ASIC2: variants seen among roughly 807,000 people sequenced by gnomAD.
ASIC2 encodes acid sensing ion channel subunit 2, also known as acid-sensing ion channel 2.
ASIC2 carries 25 observed loss-of-function variants against 57.3 expected under a neutral mutation model. The observed-to-expected ratio is 0.44, with a 90% CI of 0.32 to 0.61. ASIC2 has a LOEUF of 0.61. Ranked by LOEUF, ASIC2 falls within the 20% of genes least tolerant of loss-of-function variation. The pLI, the probability that ASIC2 is intolerant of heterozygous loss-of-function variation, is 0.06. For missense variants in ASIC2, 641 were observed against 738.1 expected, an observed-to-expected ratio of 0.87 and a Z score of 1.52; for synonymous variants, 319 against 307.5, an observed-to-expected ratio of 1.04 and a Z score of -0.39.
rs554562262 is a variant in ASIC2, at chr17:33,579,268, A to C, written c.556-467201T>G. Among the ~76,000 whole-genome samples the C allele has an allele frequency of 2.2e-3, 313 of 142,910 alleles. 3 individuals carry two copies. Among genetic ancestry groups the C allele is most frequent in the Admixed American group, 2.8e-3 (40 of 14,406 alleles). 93.8% of individuals were successfully genotyped at this position (142,910 alleles called of 152,430 possible). A position where few individuals can be genotyped will look rare whatever the true frequency, so the allele number is the denominator to read the frequency against. On this transcript the variant is annotated intron_variant, in intron 1 of 9. Transcript: ENST00000359872. Reference sequence around the variant, plus strand: ...ACCATTGCACTCCAGCCTGGGTAGCACGAATGAAACTGTGTCTCAAAAAAA... The same window carrying C: ...ACCATTGCACTCCAGCCTGGGTAGCCCGAATGAAACTGTGTCTCAAAAAAA...
At chr17:33,274,096 T>C (rs1904613350) in intron 1 of ASIC2, among the ~76,000 whole-genome samples, 1 of 152,352 alleles carries the variant, frequency 6.6e-6, no homozygotes, top group East Asian at 1.9e-4. Context: ...TCTGTCTGTT[T>C]CCATTTCATA....
chr17:33,466,888 A>T (rs1026135579), intron 1 of ASIC2, among the ~76,000 whole-genome samples: 4 of 152,162 alleles, frequency 2.6e-5, no homozygotes, highest in Non-Finnish European at 4.4e-5. Flanking sequence ...AACCATAAAA[A>T]CCCTAGAAGA....
At chr17:33,025,893 C>T in intron 5 of ASIC2, 33 bp downstream of exon 5, 2 of 1,569,816 alleles carry the variant, frequency 1.3e-6, no homozygotes, top group South Asian at 1.2e-5. Context: ...GGCCCCCGGC[C>T]CCCATGATTC....
chr17:33,659,402 C>T (rs1217387000), intron 1 of ASIC2, among the ~76,000 whole-genome samples: 3 of 152,244 alleles, frequency 2.0e-5, no homozygotes, highest in Non-Finnish European at 2.9e-5. Flanking sequence ...ACAAAGCCTC[C>T]GTGGTACAGC....
chr17:33,123,162 A>G (rs2141998691), intron 1 of ASIC2, among the ~76,000 whole-genome samples: 1 of 152,332 alleles, frequency 6.6e-6, no homozygotes, highest in East Asian at 1.9e-4. Context: ...AGGAATTAAA[A>G]TCAATATGCT....
intron 1 of ASIC2, among the ~76,000 whole-genome samples, chr17:33,796,843 T>C (rs1197904563): frequency 1.3e-5 from 2 of 152,214 alleles, no homozygotes; most frequent in Admixed American, 1.3e-4. Flanking sequence ...GGCTCACTCA[T>C]GTACTAAAGG....
At chr17:33,152,002 G>A (rs1037358535) in intron 1 of ASIC2, among the ~76,000 whole-genome samples, 2 of 151,980 alleles carry the variant, frequency 1.3e-5, no homozygotes, top group Non-Finnish European at 2.9e-5. Flanking sequence ...AATGCCTTTT[G>A]TTGCAAAAAA....
At chr17:33,892,874 C>A (rs769448755) in intron 1 of ASIC2, among the ~76,000 whole-genome samples, 18 of 152,134 alleles carry the variant, frequency 1.2e-4, no homozygotes, top group Non-Finnish European at 2.5e-4. Flanking sequence ...CAGCAGCGAA[C>A]CAAGGGAGCA....
At chr17:33,783,003 C>T (rs1911502498) in intron 1 of ASIC2, among the ~76,000 whole-genome samples, 1 of 152,212 alleles carries the variant, frequency 6.6e-6, no homozygotes, top group South Asian at 2.1e-4. Flanking sequence ...TGGGCTTCTC[C>T]CATGGCTGGT....
At chr17:33,907,730 G>A (rs773808338) in intron 1 of ASIC2, among the ~76,000 whole-genome samples, 29 of 152,218 alleles carry the variant, frequency 1.9e-4, no homozygotes, top group Middle Eastern at 6.8e-3. Context: ...AACTCCTGCC[G>A]TTGACTGACC....
intron 1 of ASIC2, among the ~76,000 whole-genome samples, chr17:33,930,171 G>A (rs962762514): frequency 1.2e-4 from 18 of 152,198 alleles, no homozygotes; most frequent in Non-Finnish European, 1.9e-4. Context: ...TCAGTAATTC[G>A]TCTTTATCCG....
At chr17:33,993,508 C>A (rs923183579) in intron 1 of ASIC2, among the ~76,000 whole-genome samples, 11 of 152,148 alleles carry the variant, frequency 7.2e-5, no homozygotes, top group African/African-American at 2.4e-4. Flanking sequence ...CTTTGAAGTT[C>A]TTTGAGGCTT....
intron 1 of ASIC2, chr17:33,834,254 G>T (rs1320930910): frequency 6.6e-6 from 1 of 152,246 alleles, no homozygotes; most frequent in Non-Finnish European, 1.5e-5. Context: ...TAGGTAGGGG[G>T]AACTTCATAG....
At chr17:33,578,500 G>C (rs533098667) in intron 1 of ASIC2, among the ~76,000 whole-genome samples, 36 of 152,242 alleles carry the variant, frequency 2.4e-4, no homozygotes, top group Admixed American at 2.0e-3. Context: ...CGAGACAATT[G>C]GGACGGATAG....
intron 1 of ASIC2, among the ~76,000 whole-genome samples, chr17:34,142,329 GA>G (rs1912293758): frequency 6.6e-6 from 1 of 151,954 alleles, no homozygotes; most frequent in Admixed American, 6.6e-5. Context: ...AGTATTCCAA[GA>G]AAAAAACCCT....
At chr17:33,165,951 G>A (rs1384323631) in intron 1 of ASIC2, among the ~76,000 whole-genome samples, 4 of 152,166 alleles carry the variant, frequency 2.6e-5, no homozygotes, top group East Asian at 1.9e-4. Context: ...GCATGGGAGG[G>A]TAAAAGATAT....
chr17:34,092,969 G>A lies in ASIC2; in HGVS notation c.555+63009C>T, dbSNP rs375128342. Among the ~76,000 whole-genome samples, 10 of 152,248 alleles carry A rather than the reference G, an allele frequency of 6.6e-5. 1 individual carries two copies. The highest frequency in any genetic ancestry group is 2.4e-4 in the African/African-American group (10 of 41,550). On this transcript the variant is annotated intron_variant, in intron 1 of 9. Transcript: ENST00000359872. ...TATCATAAAATATGCATATTTGTCT[G>A]AAGCTTGATTTTTTCCCCTCAACAT...
chr17:33,997,396 G>A (rs757777554), intron 1 of ASIC2, among the ~76,000 whole-genome samples: 13 of 145,398 alleles, frequency 8.9e-5, no homozygotes, highest in East Asian at 6.2e-4. Context: ...TCAAGCGATC[G>A]GCCAGCCTTG....
intron 1 of ASIC2, among the ~76,000 whole-genome samples, chr17:33,579,358 T>G (rs1916794153): frequency 6.6e-6 from 1 of 150,964 alleles, no homozygotes; most frequent in Admixed American, 6.6e-5. Flanking sequence ...ACGATGTGGC[T>G]TGGTATGTTT....
Sources: gnomAD v4.1 joint callset for allele counts (sites outside exome capture counted in the v4.1 genomes callset) on GRCh38, gnomAD v4.1.1 for gene constraint, MANE v1.5 for transcripts, NCBI Gene and HGNC (gene_info 2026-07-23, HGNC 2026-07-21) for gene names.